The following DPRX variants were observed in gnomAD, a reference collection of about 807,000 sequenced individuals.
DPRX encodes divergent-paired related homeobox.
In DPRX, 11 loss-of-function variants were observed where a neutral mutation model predicts 8.4. That is an observed-to-expected ratio of 1.31 (90% CI 0.82 to 2.17). The LOEUF (loss-of-function observed/expected upper bound fraction) is 2.17, where lower values mean the gene tolerates loss of function less well. Among genes scored for constraint, DPRX ranks in the 30% most tolerant of loss-of-function variants. The probability of loss-of-function intolerance (pLI) is 0.00; values close to 1 mark genes in which losing one functional copy is unlikely to be tolerated. For synonymous variants in DPRX, 72 were observed against 87.0 expected (o/e 0.83, Z 0.96); for missense variants, 211 against 236.7 (o/e 0.89, Z 0.71).
the DPRX span, among the ~76,000 whole-genome samples, chr19:53,619,449 C>T: frequency 2.6e-5 from 4 of 151,976 alleles, no homozygotes; most frequent in East Asian, 3.9e-4. Flanking sequence ...CCGAGACGGG[C>T]GGATCACCTG....
the DPRX span, among the ~76,000 whole-genome samples, chr19:53,621,096 C>G: frequency 3.3e-5 from 5 of 152,032 alleles, no homozygotes; most frequent in African/African-American, 9.7e-5. Context: ...CTGAACAATC[C>G]TTGTGCTTCT....
the DPRX span, among the ~76,000 whole-genome samples, chr19:53,626,114 T>G: frequency 6.7e-6 from 1 of 150,102 alleles, no homozygotes. Context: ...TTTTTTGTAT[T>G]TTTGGTACAG....
the DPRX span, among the ~76,000 whole-genome samples, chr19:53,602,605 C>T: frequency 4.1e-4 from 62 of 150,940 alleles, no homozygotes; most frequent in Non-Finnish European, 1.6e-4. Flanking sequence ...GTGATCTTGG[C>T]TCACTGGAAA....
chr19:53,605,832 CT>C, the DPRX span, among the ~76,000 whole-genome samples: 7 of 150,658 alleles, frequency 4.6e-5, no homozygotes, highest in African/African-American at 9.7e-5. Flanking sequence ...GCCTGGCTAA[CT>C]TTTTTTTTAA....
chr19:53,634,152 C>T (rs529567160), intron 1 of DPRX, among the ~76,000 whole-genome samples: 42 of 151,778 alleles, frequency 2.8e-4, no homozygotes, highest in Middle Eastern at 6.8e-3. Context: ...CAGTCACGGC[C>T]GGGCACAGTG....
At chr19:53,627,362 C>A (rs574663216), upstream of DPRX, among the ~76,000 whole-genome samples, 1 of 151,862 alleles carries the variant, frequency 6.6e-6, no homozygotes, top group Non-Finnish European at 1.5e-5. Context: ...TATACTGAGG[C>A]CTCTCACAAG....
chr19:53,601,276 C>T, the DPRX span: 178 of 456,266 alleles, frequency 3.9e-4, 1 homozygote, highest in Non-Finnish European at 8.4e-5. Flanking sequence ...AATCAACATC[C>T]AGACTCCACA....
At chr19:53,632,106 G>T in exon 1 of DPRX, 1 of 1,613,986 alleles carries the variant, frequency 6.2e-7, no homozygotes, top group African/African-American at 1.3e-5. Flanking sequence ...TGGATTAGAA[G>T]ATGCCAGGCT....
intron 2 of DPRX, among the ~76,000 whole-genome samples, chr19:53,636,283 T>C (rs2122167987): frequency 6.6e-6 from 1 of 151,946 alleles, no homozygotes; most frequent in South Asian, 2.1e-4. Context: ...GAAGCATCGC[T>C]TGAACCTGGG....
upstream of DPRX, among the ~76,000 whole-genome samples, chr19:53,630,880 C>T (rs1280692865): frequency 6.6e-6 from 1 of 151,432 alleles, no homozygotes; most frequent in Admixed American, 6.6e-5. Flanking sequence ...GAGTCTCACT[C>T]CTGTCACCCA....
At chr19:53,608,596 T>C in the DPRX span, 2 of 152,126 alleles carry the variant, frequency 1.3e-5, no homozygotes, top group African/African-American at 2.4e-5. Flanking sequence ...CCCAATTAGA[T>C]GGAAGTGGCA....
chr19:53,636,913 G>A, exon 3 of DPRX: 1 of 1,613,744 alleles, frequency 6.2e-7, no homozygotes, highest in Non-Finnish European at 8.5e-7. Flanking sequence ...ACCCCATTTT[G>A]GAATCCCAAG....
chr19:53,634,639 A>G, exon 2 of DPRX: 1 of 1,614,112 alleles, frequency 6.2e-7, no homozygotes. Context: ...CCCAGCCTTC[A>G]GAAAGAAATG....
upstream of DPRX, among the ~76,000 whole-genome samples, chr19:53,630,918 C>T (rs1445210429): frequency 6.6e-6 from 1 of 151,810 alleles, no homozygotes; most frequent in Non-Finnish European, 1.5e-5. Context: ...GCGATCTCAG[C>T]TCACTGCAAC....
chr19:53,616,939 A>G, the DPRX span: 2 of 1,304,260 alleles, frequency 1.5e-6, no homozygotes, highest in Non-Finnish European at 2.2e-6. Flanking sequence ...CCTCATCACC[A>G]GAGGAATCGT....
the DPRX span, among the ~76,000 whole-genome samples, chr19:53,614,432 C>G: frequency 0.017 from 2,631 of 152,094 alleles, 76 homozygotes; most frequent in African/African-American, 0.059. Flanking sequence ...ACCACGGTGG[C>G]TCACGCCTGT....
the DPRX span, among the ~76,000 whole-genome samples, chr19:53,621,017 T>A: frequency 6.6e-6 from 1 of 152,202 alleles, no homozygotes; most frequent in Non-Finnish European, 1.5e-5. Flanking sequence ...TCTGCTTTCA[T>A]GAGACTGAAC....
chr19:53,626,965 G>A, the DPRX span, among the ~76,000 whole-genome samples: 1 of 152,078 alleles, frequency 6.6e-6, no homozygotes, highest in African/African-American at 2.4e-5. Flanking sequence ...ACCTCCCAAA[G>A]TGCTGGGGTT....
At chr19:53,603,398 G>A in the DPRX span, 2 of 456,436 alleles carry the variant, frequency 4.4e-6, no homozygotes, top group South Asian at 1.5e-5. Flanking sequence ...ATCTCGGGGT[G>A]GGGATGGTGC....
Sources: gnomAD v4.1 joint callset for allele counts (sites outside exome capture counted in the v4.1 genomes callset) on GRCh38, gnomAD v4.1.1 for gene constraint, MANE v1.5 for transcripts, NCBI Gene and HGNC (gene_info 2026-07-23, HGNC 2026-07-21) for gene names.